The following KLHL22 variants were observed in gnomAD, a reference collection of about 807,000 sequenced individuals.
KLHL22 encodes kelch-like protein 22.
Under a neutral mutation model 60.7 loss-of-function variants are expected in KLHL22, and 18 were observed. The ratio of observed to expected loss-of-function variants is 0.30; its 90% CI spans 0.20 to 0.44. The LOEUF (loss-of-function observed/expected upper bound fraction) is 0.44. Among genes scored for constraint, KLHL22 ranks in the 20% least tolerant of loss-of-function variants. The pLI is 1.00. For synonymous variants in KLHL22, 355 were observed against 354.5 expected (o/e 1.00, Z -0.01); for missense variants, 596 against 852.3 (o/e 0.70, Z 3.74).
At chr22:20,485,169 G>A (rs2053565181) in intron 2 of KLHL22, among the ~76,000 whole-genome samples, 1 of 152,186 alleles carries the variant, frequency 6.6e-6, no homozygotes, top group African/African-American at 2.4e-5. Flanking sequence ...AAAACTAAGG[G>A]AGGGACGAGG....
intron 2 of KLHL22, among the ~76,000 whole-genome samples, chr22:20,476,474 G>A (rs1432395295): frequency 4.9e-5 from 7 of 141,646 alleles, no homozygotes; most frequent in South Asian, 2.3e-4. Flanking sequence ...GTGCAGTGGC[G>A]CGATCTCGGC....
intron 5 of KLHL22, among the ~76,000 whole-genome samples, chr22:20,455,662 G>A (rs572784745): frequency 1.3e-5 from 2 of 152,258 alleles, no homozygotes; most frequent in South Asian, 2.1e-4. Flanking sequence ...TTCCACCCCC[G>A]GGAGCCTGTG....
chr22:20,462,398 A>T (rs1569130929), intron 4 of KLHL22, among the ~76,000 whole-genome samples: 1 of 152,102 alleles, frequency 6.6e-6, no homozygotes, highest in Non-Finnish European at 1.5e-5. Flanking sequence ...TCTGTTGCCC[A>T]GGCTACAGTA....
intron 3 of KLHL22, among the ~76,000 whole-genome samples, chr22:20,469,534 G>A (rs138374330): frequency 3.2e-4 from 49 of 152,310 alleles, no homozygotes; most frequent in African/African-American, 1.0e-3. Context: ...TGACAGGGAT[G>A]TGGGGACAGA....
At chr22:20,458,594 C>G (rs1018398477) in intron 4 of KLHL22, among the ~76,000 whole-genome samples, 1 of 151,832 alleles carries the variant, frequency 6.6e-6, no homozygotes, top group Non-Finnish European at 1.5e-5. Context: ...TAGCCTTGCT[C>G]CCACTCAGGA....
At chr22:20,442,548 T>A in intron 6 of KLHL22, 110 bp from the exon 7 acceptor site, 11 of 1,336,612 alleles carry the variant, frequency 8.2e-6, no homozygotes, top group Non-Finnish European at 9.9e-6. Context: ...TTCTGACAGG[T>A]CAGGCCCCCT....
intron 2 of KLHL22, among the ~76,000 whole-genome samples, chr22:20,478,330 C>T (rs1331093308): frequency 2.6e-5 from 4 of 151,282 alleles, no homozygotes; most frequent in South Asian, 2.1e-4. Context: ...CTCAGTCTCC[C>T]GAGTAGCTGG....
Position 20,489,002 on chromosome 22 carries a change from C to T in KLHL22, c.210G>A (p.Ala70=), listed in dbSNP as rs771290434. Residue 70 remains alanine (A), a synonymous_variant, in exon 2 of 7, where the codon GCG becomes GCA. Coordinates refer to ENST00000328879, the MANE Select transcript of KLHL22 (RefSeq NM_032775.4). ...HIEAHRILLA[A]SCDYFRGMFA... is the part of the protein sequence containing the mutation. ...GAACTCACCTGAAGTAATCGCAGGA[C>T]GCAGCCAGCAGGATGCGATGGGCCT... The T allele has an allele frequency of 3.1e-6, 5 of 1,613,762 alleles. No individual in the cohort carries two copies. The highest frequency in any genetic ancestry group is 2.2e-5 in the East Asian group (1 of 44,900).
chr22:20,457,983 T>C lies in KLHL22; in HGVS notation c.1130A>G (p.Asn377Ser). Residue 377 changes from asparagine to serine, a missense_variant, in exon 5 of 7, where the codon AAC (asparagine) becomes AGC (serine). Coordinates refer to ENST00000328879, the MANE Select transcript of KLHL22 (RefSeq NM_032775.4). ...SRCWRYDPRH[N>S]RWFQIQSLQQ... is the part of the protein sequence containing the mutation. The stretch of plus-strand genomic sequence containing the variant: ...CAGGGACTGGATCTGGAACCAGCGG[T>C]TGTGCCGTGGGTCATACCTGTGCCG... The C allele has an allele frequency of 6.2e-7, 1 of 1,614,096 alleles. No individual in the cohort carries two copies. The highest frequency in any genetic ancestry group is 1.3e-5 in the African/African-American group (1 of 75,036).
intron 6 of KLHL22, among the ~76,000 whole-genome samples, chr22:20,444,729 C>T (rs1488793216): frequency 6.6e-6 from 1 of 152,138 alleles, no homozygotes; most frequent in Non-Finnish European, 1.5e-5. Context: ...CTGGAAAATG[C>T]CCAGGACAAA....
chr22:20,478,369 C>G (rs1015275466), intron 2 of KLHL22, among the ~76,000 whole-genome samples: 1 of 151,702 alleles, frequency 6.6e-6, no homozygotes, highest in Non-Finnish European at 1.5e-5. Context: ...CCACACCCGG[C>G]TAATTTTGTA....
chr22:20,441,720 AC>A lies in KLHL22; in HGVS notation c.*352del. The stretch of plus-strand genomic sequence containing the variant: ...CCCCATTCACAGAAAGAGGGCTACC[AC>A]GTGCCTCAGCCCCCCTGCCCAGGCT... On this transcript the variant is annotated 3_prime_UTR_variant, in exon 7 of 7. Coordinates refer to ENST00000328879, the MANE Select transcript of KLHL22 (RefSeq NM_032775.4). 1 of 227,800 alleles carries A rather than the reference AC, an allele frequency of 4.4e-6. No homozygotes were observed. Among genetic ancestry groups the A allele is most frequent in the African/African-American group, 2.3e-5 (1 of 44,090 alleles). 14.1% of individuals were successfully genotyped at this position (227,800 alleles called of 1,614,324 possible).
At position 20,483,909 on chromosome 22, in the gene KLHL22, C is replaced by T. The variant is rs1437434186; in HGVS notation, c.227+5076G>A. On this transcript the variant is annotated intron_variant, in intron 2 of 6. Coordinates refer to ENST00000328879, the MANE Select transcript of KLHL22 (RefSeq NM_032775.4). ...CATTCCTGCCAGATCCCCAGCCATCCCCGCGGCCAGGCCCCCAGACCCCAT... is the reference window on the plus strand; with the variant it reads ...CATTCCTGCCAGATCCCCAGCCATCTCCGCGGCCAGGCCCCCAGACCCCAT... 3 of 685,886 alleles carry T rather than the reference C, an allele frequency of 4.4e-6. No individual in the cohort carries two copies. In the African/African-American group the frequency reaches 5.3e-5, roughly 12 times the overall value. The allele number at this position is 685,886 out of a possible 1,614,324, so 42.5% of individuals were successfully genotyped here.
chr22:20,443,232 G>A (rs149361687), intron 6 of KLHL22, among the ~76,000 whole-genome samples: 1 of 152,254 alleles, frequency 6.6e-6, no homozygotes, highest in East Asian at 1.9e-4. Flanking sequence ...AGCCGTTTTT[G>A]GTTCTCTAGC....
rs541501793 is a variant in KLHL22 at position 20,442,156 on chromosome 22, G to C, written c.1822C>G (p.Arg608Gly). The C allele has an allele frequency of 6.5e-7, 1 of 1,547,900 alleles. No individual in the cohort carries two copies. The highest frequency in any genetic ancestry group is 8.7e-7 in the Non-Finnish European group (1 of 1,145,958). The change falls in exon 7 of 7, where the codon CGC (arginine) becomes GGC (glycine). Residue 608 changes from arginine to glycine, a missense_variant. By Grantham distance (125) the Arg-to-Gly change is moderately radical (BLOSUM62 -2). Transcript: ENST00000328879. ...GCAAAGTCCGGGTCGGCCTGGCTGCGGTCAGGGGTCCCGCGGGGCGGCTCA... is the reference window on the plus strand; with the variant it reads ...GCAAAGTCCGGGTCGGCCTGGCTGCCGTCAGGGGTCCCGCGGGGCGGCTCA... ...LLEPPRGTPD[R>G]SQADPDFASE...
intron 6 of KLHL22, among the ~76,000 whole-genome samples, chr22:20,443,923 C>T (rs529182858): frequency 6.6e-6 from 1 of 151,914 alleles, no homozygotes; most frequent in East Asian, 1.9e-4. Context: ...TGGCGAACAC[C>T]TGTAGTCCTC....
chr22:20,452,355 C>T (rs995883751), intron 5 of KLHL22, among the ~76,000 whole-genome samples: 3 of 151,910 alleles, frequency 2.0e-5, no homozygotes, highest in African/African-American at 7.3e-5. Context: ...GAGAGCCCCA[C>T]AAAACTTTGG....
chr22:20,455,573 AC>A (rs34571319), intron 5 of KLHL22, among the ~76,000 whole-genome samples: 1 of 152,060 alleles, frequency 6.6e-6, no homozygotes, highest in Admixed American at 6.6e-5. Flanking sequence ...TGTTAACCAC[AC>A]CTGGGGTTTC....
At chr22:20,481,238 C>T (rs545857879) in intron 2 of KLHL22, 2 of 152,144 alleles carry the variant, frequency 1.3e-5, no homozygotes, top group Non-Finnish European at 2.9e-5. Flanking sequence ...CTCTGTCCCC[C>T]CTTCTCACTA....
Sources: allele counts gnomAD v4.1 joint callset (sites outside exome capture counted in the v4.1 genomes callset), GRCh38; gene constraint gnomAD v4.1.1; transcripts MANE v1.5; gene names NCBI Gene and HGNC (gene_info 2026-07-23, HGNC 2026-07-21).